The following SERINC1 variants were observed in gnomAD, a reference collection of about 807,000 sequenced individuals.
The protein encoded by SERINC1 is tumor differentially expressed protein 2.
In SERINC1, 38 loss-of-function variants were observed where a neutral mutation model predicts 52.9. The observed-to-expected ratio is 0.72, with a 90% CI of 0.55 to 0.94. The LOEUF (loss-of-function observed/expected upper bound fraction) is 0.94, where lower values mean the gene tolerates loss of function less well. SERINC1 is among the 40% of genes least tolerant of loss of function. The probability of loss-of-function intolerance (pLI) is 0.00; values close to 1 mark genes in which losing one functional copy is unlikely to be tolerated. For missense variants in SERINC1, 471 were observed against 533.9 expected, an observed-to-expected ratio of 0.88 and a Z score of 1.16; for synonymous variants, 198 against 183.1, an observed-to-expected ratio of 1.08 and a Z score of -0.66.
chr6:122,445,261 G>A (rs1466820973), intron 9 of SERINC1, 82 bp from the exon 10 acceptor site: 1 of 1,364,956 alleles, frequency 7.3e-7, no homozygotes, highest in Non-Finnish European at 1.0e-6. Context: ...CATTAATTCA[G>A]AAGCGTGCTT....
intron 1 of SERINC1, among the ~76,000 whole-genome samples, chr6:122,464,514 C>T (rs1775154987): frequency 6.6e-6 from 1 of 152,038 alleles, no homozygotes; most frequent in South Asian, 2.1e-4. Flanking sequence ...CACCTATGCA[C>T]GTGCAGAGGG....
chr6:122,448,392 C>T (rs1774844452), intron 7 of SERINC1, among the ~76,000 whole-genome samples: 1 of 151,988 alleles, frequency 6.6e-6, no homozygotes, highest in Non-Finnish European at 1.5e-5. Context: ...TGATAAAATA[C>T]CTACAGTTTG....
intron 2 of SERINC1, among the ~76,000 whole-genome samples, chr6:122,457,914 A>C (rs899410545): frequency 1.3e-5 from 2 of 151,900 alleles, no homozygotes; most frequent in Non-Finnish European, 2.9e-5. Context: ...GACTCTCTCT[A>C]AAAATTTTCC....
chr6:122,457,612 A>G (rs947354577), intron 2 of SERINC1, among the ~76,000 whole-genome samples: 1 of 152,084 alleles, frequency 6.6e-6, no homozygotes, highest in Non-Finnish European at 1.5e-5. Context: ...GACAGAAGAG[A>G]GCTGCTGCTT....
intron 7 of SERINC1, among the ~76,000 whole-genome samples, chr6:122,448,643 T>C (rs1774850478): frequency 6.6e-6 from 1 of 152,190 alleles, no homozygotes; most frequent in South Asian, 2.1e-4. Flanking sequence ...GAAAAAATTA[T>C]ACTGTTCACA....
intron 8 of SERINC1, 24 bp downstream of exon 8, chr6:122,447,097 A>C (rs750206236): frequency 1.9e-6 from 3 of 1,600,588 alleles, no homozygotes; most frequent in Non-Finnish European, 2.6e-6. Context: ...TGTTTAAAGA[A>C]AAAAATTCCA....
chr6:122,458,708 A>G (rs376888849), intron 1 of SERINC1, 27 bp from the exon 2 acceptor site: 20 of 1,479,238 alleles, frequency 1.4e-5, no homozygotes, highest in Admixed American at 1.8e-5. Context: ...TATTGAAAAT[A>G]TTATTAAGAA....
At chr6:122,467,268 A>G (rs997490076) in intron 1 of SERINC1, among the ~76,000 whole-genome samples, 1 of 152,138 alleles carries the variant, frequency 6.6e-6, no homozygotes, top group Admixed American at 6.5e-5. Context: ...GAACTTAGAG[A>G]TGCATACAGC....
chr6:122,461,198 A>C (rs888141431), intron 1 of SERINC1, among the ~76,000 whole-genome samples: 7 of 152,168 alleles, frequency 4.6e-5, no homozygotes, highest in Non-Finnish European at 1.0e-4. Context: ...CAGATCCAGG[A>C]AACTCAACAA....
At chr6:122,452,392 T>C (rs977833318) in intron 5 of SERINC1, among the ~76,000 whole-genome samples, 4 of 152,170 alleles carry the variant, frequency 2.6e-5, no homozygotes, top group African/African-American at 9.7e-5. Context: ...AAAATAACTA[T>C]AAGAGGAATA....
chr6:122,456,561 C>T lies in SERINC1; in HGVS notation c.291G>A (p.Leu97=). Reference sequence around the variant, plus strand: ...AAGAGAGAAGAAGATAGAACATAGCCAAACCAAAGCACAAACGATATACAG... The same window carrying T: ...AAGAGAGAAGAAGATAGAACATAGCTAAACCAAAGCACAAACGATATACAG... ...YKAVYRLCFG[L]AMFYLLLSLL... The change falls in exon 3 of 10, where the codon TTG becomes TTA. Residue 97 remains leucine, a synonymous_variant. Transcript: ENST00000339697. The T allele has an allele frequency of 1.9e-6, 3 of 1,612,784 alleles. No individual in the cohort carries two copies. Among genetic ancestry groups the T allele is most frequent in the Non-Finnish European group, 2.5e-6 (3 of 1,179,184 alleles).
intron 1 of SERINC1, among the ~76,000 whole-genome samples, chr6:122,466,679 A>T (rs1489003099): frequency 1.3e-5 from 2 of 152,204 alleles, no homozygotes; most frequent in Non-Finnish European, 2.9e-5. Context: ...TCAATAAAAA[A>T]ATTTAAAAAA....
rs12203525 is a variant in SERINC1 at position 122,459,825 on chromosome 6, A to C, written c.40-1144T>G. On this transcript the variant is annotated intron_variant, in intron 1 of 9. Coordinates refer to ENST00000339697, the MANE Select transcript of SERINC1 (RefSeq NM_020755.4). ...GGGCTAAAGAAATGAGAAGGGAAAA[A>C]ACGGACTTAACTAGTAACTATCAAG... 2.9e-3 allele frequency among the ~76,000 whole-genome samples: 448 copies of C among 152,314 alleles called. 2 individuals are homozygous for C. Among genetic ancestry groups the C allele is most frequent in the South Asian group, 0.016 (75 of 4,832 alleles).
At chr6:122,459,194 GATA>G (rs1174014501) in intron 1 of SERINC1, among the ~76,000 whole-genome samples, 3 of 152,142 alleles carry the variant, frequency 2.0e-5, no homozygotes, top group Non-Finnish European at 4.4e-5. Context: ...AGGCAAAAAG[GATA>G]ATAATACAAC....
chr6:122,461,181 AAACT>A (rs1198540218), intron 1 of SERINC1, among the ~76,000 whole-genome samples: 1 of 152,136 alleles, frequency 6.6e-6, no homozygotes, highest in East Asian at 1.9e-4. Context: ...TGAAAACGAT[AAACT>A]CACAGATCCA....
intron 1 of SERINC1, among the ~76,000 whole-genome samples, chr6:122,461,716 TA>T (rs1775104621): frequency 6.8e-6 from 1 of 146,678 alleles, no homozygotes; most frequent in South Asian, 2.1e-4. Context: ...TAAGGCAAAA[TA>T]AAGACATTTT....
chr6:122,451,860 A>C (rs369852581), intron 6 of SERINC1, 28 bp downstream of exon 6: 434 of 1,441,056 alleles, frequency 3.0e-4, no homozygotes, highest in Non-Finnish European at 3.8e-4. Context: ...TATAAGCTTC[A>C]TAAAAACTAA....
In SERINC1 at chr6:122,461,693, A is replaced by G. The variant is rs1296116978; in HGVS notation, c.40-3012T>C. On this transcript the variant is annotated intron_variant, in intron 1 of 9. Transcript: ENST00000339697. Reference sequence around the variant, plus strand: ...AAAGAATTTTATACTCAGTGAAAATATCTTCCAAAAATTAAGGCAAAATAA... The same window carrying G: ...AAAGAATTTTATACTCAGTGAAAATGTCTTCCAAAAATTAAGGCAAAATAA... Among the ~76,000 whole-genome samples the G allele has an allele frequency of 4.6e-5, 7 of 152,284 alleles. No individual in the cohort carries two copies. In the East Asian group the frequency reaches 1.3e-3, roughly 29 times the overall value.
At position 122,454,169 on chromosome 6, in the gene SERINC1, C is replaced by G; in HGVS notation, c.433G>C (p.Glu145Gln). The change falls in exon 4 of 10, where the codon GAA (glutamate) becomes CAA (glutamine). Residue 145 changes from glutamate to glutamine, a missense_variant. Physicochemically the swap from Glu to Gln is conservative, Grantham distance 29. Transcript: ENST00000339697. Reference protein sequence around the residue: ...AIIIGAFFIPEGTFTTVWFYV... With the variant: ...AIIIGAFFIPQGTFTTVWFYV... Reference sequence around the variant, plus strand: ...TTCTTACCAGTTGTAAAAGTTCCTTCTGGAATGAAGAATGCCCCAATAATA... The same window carrying G: ...TTCTTACCAGTTGTAAAAGTTCCTTGTGGAATGAAGAATGCCCCAATAATA... 1 of 1,586,896 alleles carries G rather than the reference C, an allele frequency of 6.3e-7. No homozygotes were observed. Among genetic ancestry groups the G allele is most frequent in the Non-Finnish European group, 8.6e-7 (1 of 1,166,024 alleles).
Sources: gnomAD v4.1 joint callset for allele counts (sites outside exome capture counted in the v4.1 genomes callset) on GRCh38, gnomAD v4.1.1 for gene constraint, MANE v1.5 for transcripts, NCBI Gene and HGNC (gene_info 2026-07-23, HGNC 2026-07-21) for gene names.